The following SMAP2 variants were observed in gnomAD, a reference collection of about 807,000 sequenced individuals.
The protein encoded by SMAP2 is small ArfGAP2.
In SMAP2, 25 loss-of-function variants were observed where a neutral mutation model predicts 56.4. The observed-to-expected ratio is 0.44, with a 90% CI of 0.32 to 0.62. The LOEUF (loss-of-function observed/expected upper bound fraction) is 0.62. SMAP2 is among the 20% of genes least tolerant of loss of function. SMAP2 has a pLI of 0.04. For missense variants in SMAP2, 388 were observed against 545.6 expected (o/e 0.71, Z 2.88); for synonymous variants, 157 against 181.7 (o/e 0.86, Z 1.09).
In SMAP2 at chr1:40,386,977, A is replaced by G. The variant is rs552409314; in HGVS notation, c.103+12754A>G. Among the ~76,000 whole-genome samples the G allele has an allele frequency of 1.3e-5, 2 of 150,628 alleles. No homozygotes were observed. The highest frequency in any genetic ancestry group is 2.4e-5 in the African/African-American group (1 of 40,868). On this transcript the variant is annotated intron_variant, in intron 1 of 9. Coordinates refer to ENST00000372718, the MANE Select transcript of SMAP2 (RefSeq NM_022733.3). The surrounding 1 kb of genome is among the most constrained non-coding windows in gnomAD (Gnocchi z 4.1). ...AAGCAGTTCTTCTGTCTCAGCCTTC[A>G]TAGTAGCTGGGACTACAGGTGCACA...
At chr1:40,395,683 C>T (rs569579348) in intron 1 of SMAP2, among the ~76,000 whole-genome samples, 1 of 152,212 alleles carries the variant, frequency 6.6e-6, no homozygotes, top group East Asian at 1.9e-4. Context: ...TCTAAAGTCA[C>T]ACAGGAAATT....
chr1:40,389,534 A>G (rs994581565), intron 1 of SMAP2, among the ~76,000 whole-genome samples: 1 of 152,196 alleles, frequency 6.6e-6, no homozygotes, highest in Non-Finnish European at 1.5e-5. Context: ...GACACCAGGA[A>G]GCTGAGCAGG....
In SMAP2 at chr1:40,415,865, A is replaced by C. The variant is rs143078086; in HGVS notation, c.682-311A>C. 3.3e-3 allele frequency among the ~76,000 whole-genome samples: 498 copies of C among 152,340 alleles called. 4 individuals carry two copies. Among genetic ancestry groups the C allele is most frequent in the African/African-American group, 0.012 (485 of 41,570 alleles). ...GACATTAGTTTGTAAAAGTTATGTG[A>C]CTAGCCTGTGGTTATACTAGTAAAT... On this transcript the variant is annotated intron_variant, in intron 7 of 9. Transcript: ENST00000372718.
intron 1 of SMAP2, among the ~76,000 whole-genome samples, chr1:40,400,896 CT>C (rs1557444498): frequency 1.3e-5 from 2 of 152,162 alleles, no homozygotes; most frequent in African/African-American, 4.8e-5. Flanking sequence ...CTTATTTTCT[CT>C]GCCTTTGTAT....
chr1:40,396,114 TC>T (rs1644769213), intron 1 of SMAP2, among the ~76,000 whole-genome samples: 1 of 152,170 alleles, frequency 6.6e-6, no homozygotes, highest in East Asian at 1.9e-4. Flanking sequence ...GTGGCTGCTT[TC>T]TTCTGCTAGA....
At position 40,422,141 on chromosome 1, in the gene SMAP2, C is replaced by T. The variant is rs566399278; in HGVS notation, c.*40C>T. 2.5e-5 allele frequency: 41 copies of T among 1,610,038 alleles called. No homozygotes were observed. The highest frequency in any genetic ancestry group is 3.3e-5 in the Non-Finnish European group (39 of 1,178,636). On this transcript the variant is annotated 3_prime_UTR_variant, in exon 10 of 10. Coordinates refer to ENST00000372718, the MANE Select transcript of SMAP2 (RefSeq NM_022733.3). ...TATGGCTGCCATTCTCTTCAGCCCT[C>T]GCTCTCCCCTTTCCACAGCCTCCAC...
chr1:40,349,918 C>G (rs922261206), intron 1 of SMAP2, among the ~76,000 whole-genome samples: 1 of 152,140 alleles, frequency 6.6e-6, no homozygotes, highest in Non-Finnish European at 1.5e-5. Context: ...AACATTGAGT[C>G]AGTTGGAAAT....
At chr1:40,358,134 G>T (rs1181089950) in intron 1 of SMAP2, among the ~76,000 whole-genome samples, 6 of 151,968 alleles carry the variant, frequency 3.9e-5, no homozygotes, top group Admixed American at 3.9e-4. Context: ...TTATTGTTAA[G>T]ATCTTTCACT....
At chr1:40,348,855 C>G (rs1358650236) in intron 1 of SMAP2, among the ~76,000 whole-genome samples, 1 of 152,084 alleles carries the variant, frequency 6.6e-6, no homozygotes, top group Non-Finnish European at 1.5e-5. Context: ...ACTGCAACCT[C>G]CGCTCCCCAG....
intron 1 of SMAP2, chr1:40,393,260 AG>A: frequency 7.0e-7 from 1 of 1,421,112 alleles, no homozygotes; most frequent in Non-Finnish European, 9.3e-7. Flanking sequence ...TAGGAGATTG[AG>A]GCTGCACTGC....
intron 1 of SMAP2, among the ~76,000 whole-genome samples, chr1:40,353,702 C>T (rs1644419874): frequency 6.6e-6 from 1 of 152,158 alleles, no homozygotes; most frequent in Non-Finnish European, 1.5e-5. Flanking sequence ...GCCCTATCCT[C>T]AGAAGTTCTG....
chr1:40,374,946 C>A lies in SMAP2; in HGVS notation c.103+723C>A, dbSNP rs1010658702. ...GCCGATTATGCCTGTAGTGCAGGATCCGTTTAATCAGTGGAGAGAGAAAGA... is the reference window on the plus strand; with the variant it reads ...GCCGATTATGCCTGTAGTGCAGGATACGTTTAATCAGTGGAGAGAGAAAGA... On this transcript the variant is annotated intron_variant, in intron 1 of 9. Coordinates refer to ENST00000372718, the MANE Select transcript of SMAP2 (RefSeq NM_022733.3). This position sits in a 1 kb window ranked among gnomAD's most constrained non-coding sequence, Gnocchi z 5.9. 1.0e-5 allele frequency: 10 copies of A among 985,320 alleles called. No individual in the cohort carries two copies. The highest frequency in any genetic ancestry group is 1.2e-5 in the Non-Finnish European group (10 of 829,916). The allele number at this position is 985,320 out of a possible 1,614,324, so 61.0% of individuals were successfully genotyped here.
intron 1 of SMAP2, among the ~76,000 whole-genome samples, chr1:40,395,779 C>A (rs1644765073): frequency 6.6e-6 from 1 of 152,112 alleles, no homozygotes; most frequent in Admixed American, 6.5e-5. Context: ...AAGAATGCCT[C>A]CTTCCTTTCT....
chr1:40,363,979 C>A (rs967910283), intron 2 of SMAP2, among the ~76,000 whole-genome samples: 55 of 152,204 alleles, frequency 3.6e-4, no homozygotes, highest in Non-Finnish European at 1.3e-4. Flanking sequence ...TGACAAATAA[C>A]ACTGAGCTCA....
At chr1:40,355,174 C>T (rs748715715) in intron 1 of SMAP2, among the ~76,000 whole-genome samples, 6 of 152,008 alleles carry the variant, frequency 3.9e-5, no homozygotes, top group Admixed American at 1.3e-4. Context: ...AAATTAATGG[C>T]CATTAATAGA....
chr1:40,374,696 A>G lies in SMAP2; in HGVS notation c.103+473A>G. The G allele has an allele frequency of 6.5e-7, 1 of 1,550,386 alleles. No homozygotes were observed. Among genetic ancestry groups the G allele is most frequent in the Non-Finnish European group, 8.7e-7 (1 of 1,146,960 alleles). On this transcript the variant is annotated intron_variant, in intron 1 of 9. Transcript: ENST00000372718. The surrounding 1 kb of genome is among the most constrained non-coding windows in gnomAD (Gnocchi z 5.9). ...GATGGCGGAAAGGAAAACTGCTTAA[A>G]TGATTTTTAAAGGTGGTGATTTTTG... is the stretch of plus-strand genomic sequence containing the variant.
chr1:40,393,171 T>C (rs1644733867), intron 1 of SMAP2, among the ~76,000 whole-genome samples: 1 of 149,406 alleles, frequency 6.7e-6, no homozygotes, highest in Non-Finnish European at 1.5e-5. Flanking sequence ...CTCTCAAAAA[T>C]AAAAGCTGGC....
At chr1:40,351,964 C>T (rs1327608433) in intron 1 of SMAP2, among the ~76,000 whole-genome samples, 2 of 152,164 alleles carry the variant, frequency 1.3e-5, no homozygotes, top group East Asian at 3.9e-4. Flanking sequence ...TTGGGTTATG[C>T]ACATCCCTGC....
At chr1:40,358,346 C>T (rs1644445862) in intron 1 of SMAP2, among the ~76,000 whole-genome samples, 1 of 152,100 alleles carries the variant, frequency 6.6e-6, no homozygotes, top group Non-Finnish European at 1.5e-5. Context: ...AGATCGAGAC[C>T]AGCCTGGCCA....
Sources: allele counts gnomAD v4.1 joint callset (sites outside exome capture counted in the v4.1 genomes callset), GRCh38; gene constraint gnomAD v4.1.1; non-coding constraint Gnocchi (gnomAD v3.1); transcripts MANE v1.5; gene names NCBI Gene and HGNC (gene_info 2026-07-23, HGNC 2026-07-21).